Variants in CALHM4 observed in about 807,000 individuals in gnomAD.
CALHM4 encodes the protein calcium homeostasis modulator family member 4, also known as calcium homeostasis modulator protein 4.
In CALHM4, 16 loss-of-function variants were observed where a neutral mutation model predicts 13.3. The observed-to-expected ratio is 1.20, with a 90% CI of 0.81 to 1.82. The LOEUF is 1.82. Ranked by LOEUF, CALHM4 falls within the 40% of genes most tolerant of loss-of-function variation. The pLI is 0.00. For synonymous variants in CALHM4, 127 were observed against 137.1 expected (o/e 0.93, Z 0.52); for missense variants, 344 against 374.9 (o/e 0.92, Z 0.68).
chr6:116,535,966 A>G (rs1432016030), intron 1 of CALHM4, among the ~76,000 whole-genome samples: 2 of 152,138 alleles, frequency 1.3e-5, no homozygotes, highest in African/African-American at 4.8e-5. Context: ...TTTATTTCAC[A>G]AGGTTCTTAT....
intron 2 of CALHM4, among the ~76,000 whole-genome samples, chr6:116,546,996 G>A (rs920961131): frequency 6.6e-6 from 1 of 152,172 alleles, no homozygotes; most frequent in Non-Finnish European, 1.5e-5. Context: ...CTGTGAAATA[G>A]TACTGTAATC....
Position 116,558,973 on chromosome 6 carries a change from C to G in CALHM4, c.*762C>G, listed in dbSNP as rs1312787451. 1.3e-5 allele frequency: 2 copies of G among 152,202 alleles called. No homozygotes were observed. The highest frequency in any genetic ancestry group is 4.8e-5 in the African/African-American group (2 of 41,442). 9.4% of individuals were successfully genotyped at this position (152,202 alleles called of 1,614,324 possible). On this transcript the variant is annotated 3_prime_UTR_variant, in exon 2 of 2. Transcript: ENST00000368596. ...ATAAAGTTTCTTCTAGAAAGCTTCT[C>G]CACTGTGCTCTACTCCAGAGATACC...
intron 1 of CALHM4, among the ~76,000 whole-genome samples, chr6:116,534,230 C>T (rs1276567244): frequency 2.6e-5 from 4 of 152,116 alleles, no homozygotes; most frequent in Non-Finnish European, 5.9e-5. Flanking sequence ...CTCTCTGGCT[C>T]GCCTTCCAAG....
At chr6:116,546,275 T>A (rs781755690) in intron 2 of CALHM4, among the ~76,000 whole-genome samples, 2 of 152,192 alleles carry the variant, frequency 1.3e-5, no homozygotes, top group Non-Finnish European at 2.9e-5. Flanking sequence ...TTTTGAGAGC[T>A]CCTGAGACGT....
chr6:116,545,396 T>A, intron 2 of CALHM4: 1 of 1,337,042 alleles, frequency 7.5e-7, no homozygotes, highest in Admixed American at 2.3e-5. Context: ...TAGCATCAGT[T>A]TTTAAAATCA....
chr6:116,531,998 G>T (rs369460717), intron 1 of CALHM4, among the ~76,000 whole-genome samples: 1 of 152,132 alleles, frequency 6.6e-6, no homozygotes, highest in East Asian at 1.9e-4. Context: ...TTATTGTCCT[G>T]TTCAGGATCC....
At chr6:116,546,871 G>T (rs1773811568) in intron 2 of CALHM4, among the ~76,000 whole-genome samples, 2 of 152,230 alleles carry the variant, frequency 1.3e-5, no homozygotes, top group South Asian at 4.1e-4. Flanking sequence ...CTTAGTTGTG[G>T]GGTATGGGGT....
chr6:116,546,898 G>C (rs1479008918), intron 2 of CALHM4, among the ~76,000 whole-genome samples: 1 of 152,078 alleles, frequency 6.6e-6, no homozygotes, highest in Non-Finnish European at 1.5e-5. Context: ...TTTTTCAGTA[G>C]CAAATAATAA....
intron 1 of CALHM4, among the ~76,000 whole-genome samples, chr6:116,538,630 T>C (rs2064878): frequency 0.66 from 100,795 of 151,848 alleles, 33,716 homozygotes; most frequent in East Asian, 0.89. Context: ...CAACCTTAAA[T>C]ACAGGAGTCA....
chr6:116,544,759 G>T (rs2115254870), intron 2 of CALHM4, among the ~76,000 whole-genome samples: 2 of 152,204 alleles, frequency 1.3e-5, no homozygotes, highest in African/African-American at 4.8e-5. Context: ...TCAAACTGAA[G>T]TATGCTAGTT....
chr6:116,543,863 C>T (rs1334744594), exon 2 of CALHM4: 2 of 1,532,978 alleles, frequency 1.3e-6, no homozygotes, highest in African/African-American at 1.4e-5. Context: ...CCAAATGTAG[C>T]AGCAAATTTG....
intron 1 of CALHM4, chr6:116,540,591 T>A (rs1773388973): frequency 2.3e-6 from 2 of 882,014 alleles, no homozygotes; most frequent in East Asian, 2.7e-5. Context: ...ATATGACGAG[T>A]CAAATGGCTT....
At chr6:116,533,889 C>T (rs1310226030) in intron 1 of CALHM4, among the ~76,000 whole-genome samples, 2 of 152,152 alleles carry the variant, frequency 1.3e-5, no homozygotes, top group African/African-American at 4.8e-5. Flanking sequence ...CCCCATCAGC[C>T]CACTTACACC....
At chr6:116,540,583 A>T in intron 1 of CALHM4, 1 of 948,872 alleles carries the variant, frequency 1.1e-6, no homozygotes, top group Non-Finnish European at 1.6e-6. Context: ...CAAACCAAAT[A>T]TGACGAGTCA....
intron 2 of CALHM4, among the ~76,000 whole-genome samples, chr6:116,544,804 A>G (rs1054168905): frequency 1.3e-5 from 2 of 152,112 alleles, no homozygotes; most frequent in South Asian, 2.1e-4. Context: ...GTCTGAAATT[A>G]CTTAATTATA....
At position 116,553,823 on chromosome 6, in the gene CALHM4, T is replaced by C; in HGVS notation, c.30T>C (p.Ser10=). Residue 10 remains serine, a synonymous_variant, in exon 1 of 2, where the codon TCT becomes TCC. Transcript: ENST00000368596. ...GCCCAACTCTCAACAATATTGTGTCTTCTCTGCAGAGAAATGGAATATTTA... is the reference window on the plus strand; with the variant it reads ...GCCCAACTCTCAACAATATTGTGTCCTCTCTGCAGAGAAATGGAATATTTA... MCPTLNNIV[S]SLQRNGIFIN... 1 of 1,550,626 alleles carries C rather than the reference T, an allele frequency of 6.4e-7. No individual in the cohort carries two copies. Among genetic ancestry groups the C allele is most frequent in the Non-Finnish European group, 8.7e-7 (1 of 1,146,992 alleles).
intron 1 of CALHM4, among the ~76,000 whole-genome samples, chr6:116,537,660 A>G (rs1159945056): frequency 2.0e-5 from 3 of 152,154 alleles, no homozygotes. Flanking sequence ...GTAGTTCCTC[A>G]TGGAAGGGAC....
At chr6:116,540,275 A>C (rs1327216846) in intron 1 of CALHM4, 25 of 1,233,694 alleles carry the variant, frequency 2.0e-5, no homozygotes, top group Non-Finnish European at 2.8e-5. Context: ...TGCAGATGGA[A>C]CCTGTCCAAT....
chr6:116,546,066 A>G (rs983139921), intron 2 of CALHM4, among the ~76,000 whole-genome samples: 1 of 152,202 alleles, frequency 6.6e-6, no homozygotes, highest in Non-Finnish European at 1.5e-5. Flanking sequence ...CTGTCCCCAA[A>G]ACCATAGATC....
Sources: gnomAD v4.1 joint callset for allele counts (sites outside exome capture counted in the v4.1 genomes callset) on GRCh38, gnomAD v4.1.1 for gene constraint, MANE v1.5 for transcripts, NCBI Gene and HGNC (gene_info 2026-07-23, HGNC 2026-07-21) for gene names.